Variants in ARMC2 observed in about 807,000 individuals in gnomAD.
The protein encoded by ARMC2 is armadillo repeat-containing protein 2.
ARMC2 carries 67 observed loss-of-function variants against 90.3 expected under a neutral mutation model. The observed-to-expected ratio is 0.74, with a 90% CI of 0.61 to 0.91. ARMC2 has a LOEUF of 0.91. ARMC2 is among the 40% of genes least tolerant of loss of function. The pLI, the probability that ARMC2 is intolerant of heterozygous loss-of-function variation, is 0.00. For missense variants in ARMC2, 920 were observed against 1,030.9 expected (o/e 0.89, Z 1.47); for synonymous variants, 393 against 393.0 (o/e 1.00, Z 0.00).
At chr6:109,020,729 A>G in the ARMC2 span, among the ~76,000 whole-genome samples, 1 of 152,226 alleles carries the variant, frequency 6.6e-6, no homozygotes, top group Non-Finnish European at 1.5e-5. Context: ...GATTTGCTCA[A>G]ACTGACAGAG....
At chr6:108,961,777 T>G in intron 14 of ARMC2, 83 bp downstream of exon 14, 1 of 1,414,630 alleles carries the variant, frequency 7.1e-7, no homozygotes, top group South Asian at 1.4e-5. Context: ...CAGGAGACAT[T>G]ACTATCTTCT....
At position 108,953,217 on chromosome 6, in the gene ARMC2, A is replaced by G; in HGVS notation, c.1781A>G (p.Gln594Arg). 5 of 1,614,012 alleles carry G rather than the reference A, an allele frequency of 3.1e-6. No individual in the cohort carries two copies. The highest frequency in any genetic ancestry group is 4.2e-6 in the Non-Finnish European group (5 of 1,179,904). ...CAACGAGGCGAGCAGCACAGGGCGC[A>G]GAGGCCGCCGTCAGAGGCAGAGGAC... ...VGQRGEQHRA[Q>R]RPPSEAEDVL... The change falls in exon 13 of 18, where the codon CAG (glutamine) becomes CGG (arginine). Residue 594 changes from glutamine (Q) to arginine (R), a missense_variant. Transcript: ENST00000392644.
rs1271732666 is a variant in ARMC2, at chr6:108,876,228, T to C, written c.549T>C (p.Asn183=). The part of the protein sequence containing the change: ...KINGIYLTKS[N]AICHLKSHPL... ...ATGGGATTTATTTAACAAAATCAAA[T>C]GCTATTTGCCACTTAAAGAGTCACC... Residue 183 remains asparagine, a synonymous_variant, in exon 5 of 18, where the codon AAT becomes AAC. Coordinates refer to ENST00000392644, the MANE Select transcript of ARMC2 (RefSeq NM_032131.6). 3 of 1,612,930 alleles carry C rather than the reference T, an allele frequency of 1.9e-6. No homozygotes were observed. Among genetic ancestry groups the C allele is most frequent in the Non-Finnish European group, 1.7e-6 (2 of 1,179,506 alleles).
At chr6:109,004,187 A>C in the ARMC2 span, among the ~76,000 whole-genome samples, 3 of 152,186 alleles carry the variant, frequency 2.0e-5, no homozygotes, top group Non-Finnish European at 4.4e-5. Context: ...AAAAAGCAAA[A>C]AACATTATAG....
the ARMC2 span, chr6:108,998,630 A>G: frequency 1.3e-5 from 21 of 1,613,864 alleles, no homozygotes; most frequent in Admixed American, 1.7e-4. Context: ...CACCATCACA[A>G]TGAATTTCTG....
rs541544352 is a variant in ARMC2 at position 108,855,561 on chromosome 6, C to G, written c.218+1076C>G. Among the ~76,000 whole-genome samples the G allele has an allele frequency of 9.2e-5, 14 of 152,310 alleles. No homozygotes were observed. The East Asian group carries it at 2.7e-3, about 29-fold the overall frequency. On this transcript the variant is annotated intron_variant, in intron 2 of 17. Transcript: ENST00000392644. ...CGACCTCGCCCGGCCAAGTTTTCAA[C>G]TCCTTTGGGTAAACACCAAGGAGCA...
At chr6:108,905,443 G>A (rs56343703) in intron 8 of ARMC2, among the ~76,000 whole-genome samples, 2,795 of 152,010 alleles carry the variant, frequency 0.018, 48 homozygotes, top group East Asian at 0.09. Context: ...GGGCTCTGGC[G>A]GTGCAGCAGC....
At position 108,894,545 on chromosome 6, in the gene ARMC2, T is replaced by TGAG; in HGVS notation, c.748+4_748+6dup. 6.3e-7 allele frequency: 1 copy of TGAG among 1,597,960 alleles called. No homozygotes were observed. Among genetic ancestry groups the TGAG allele is most frequent in the Non-Finnish European group, 8.5e-7 (1 of 1,173,720 alleles). Reference sequence around the variant, plus strand: ...TGAGCAGGCTGCAAACCAAAGCAGGTGAGGGGTCCCCACACTCCTTCATCT... The same window carrying TGAG: ...TGAGCAGGCTGCAAACCAAAGCAGGTGAGGAGGGGTCCCCACACTCCTTCATCT... On this transcript the variant is annotated splice_region_variant and intron_variant, in intron 6 of 17. Coordinates refer to ENST00000392644, the MANE Select transcript of ARMC2 (RefSeq NM_032131.6).
chr6:109,009,350 C>T, the ARMC2 span: 5 of 1,470,678 alleles, frequency 3.4e-6, no homozygotes, highest in Non-Finnish European at 3.6e-6. Flanking sequence ...CAGCCCCTCG[C>T]CCAGGTACCT....
chr6:108,988,402 G>A, the ARMC2 span: 1 of 640,470 alleles, frequency 1.6e-6, no homozygotes, highest in Non-Finnish European at 2.5e-6. Flanking sequence ...TTCTGAAGGG[G>A]TACCTGAGAC....
At chr6:109,012,843 G>C in the ARMC2 span, among the ~76,000 whole-genome samples, 1 of 152,144 alleles carries the variant, frequency 6.6e-6, no homozygotes. Context: ...GGCCGGGCGT[G>C]GTGGCTTACG....
At chr6:108,892,759 C>CAAAAAA (rs55747245) in intron 5 of ARMC2, among the ~76,000 whole-genome samples, 3 of 89,696 alleles carry the variant, frequency 3.3e-5, no homozygotes, top group African/African-American at 1.4e-4. Context: ...AACTCCATCT[C>CAAAAAA]AAAAAAAAAA....
downstream of ARMC2, among the ~76,000 whole-genome samples, chr6:108,975,045 T>C (rs1778957898): frequency 6.6e-6 from 1 of 151,978 alleles, no homozygotes. Flanking sequence ...CTGGGGTACA[T>C]ATGCAGAATG....
the ARMC2 span, chr6:108,986,724 G>C: frequency 6.6e-6 from 1 of 152,260 alleles, no homozygotes; most frequent in African/African-American, 2.4e-5. Context: ...ACAGCAACAT[G>C]TCCCACAACT....
chr6:108,964,395 C>T, intron 16 of ARMC2, 83 bp downstream of exon 16: 1 of 1,464,682 alleles, frequency 6.8e-7, no homozygotes, highest in Non-Finnish European at 9.3e-7. Flanking sequence ...TTTCATCATT[C>T]CTGTGGGGCA....
At chr6:109,009,443 G>T in the ARMC2 span, 3 of 1,362,856 alleles carry the variant, frequency 2.2e-6, no homozygotes, top group Non-Finnish European at 2.9e-6. Flanking sequence ...CCTCGTTCGC[G>T]GCGGCGGCCA....
At chr6:108,973,052 C>T (rs939799632) in intron 17 of ARMC2, among the ~76,000 whole-genome samples, 2 of 152,074 alleles carry the variant, frequency 1.3e-5, no homozygotes, top group African/African-American at 2.4e-5. Flanking sequence ...GGCGAGGTAG[C>T]GCACACCTGC....
chr6:108,894,942 A>G (rs1295884237), intron 6 of ARMC2, among the ~76,000 whole-genome samples: 1 of 149,772 alleles, frequency 6.7e-6, no homozygotes, highest in Non-Finnish European at 1.5e-5. Flanking sequence ...AATTTTTTGT[A>G]TTTTTAGTAG....
At chr6:108,979,258 G>A (rs1022979552), downstream of ARMC2, among the ~76,000 whole-genome samples, 1 of 152,118 alleles carries the variant, frequency 6.6e-6, no homozygotes, top group African/African-American at 2.4e-5. Flanking sequence ...ATGAAGCTCA[G>A]TGTGGCTGGA....
Sources: gnomAD v4.1 joint callset for allele counts (sites outside exome capture counted in the v4.1 genomes callset) on GRCh38, gnomAD v4.1.1 for gene constraint, MANE v1.5 for transcripts, NCBI Gene and HGNC (gene_info 2026-07-23, HGNC 2026-07-21) for gene names.